The following GRM5 variants were observed in gnomAD, a reference collection of about 807,000 sequenced individuals.
GRM5 encodes the protein glutamate metabotropic receptor 5, also known as metabotropic glutamate receptor 5.
Under a neutral mutation model 83.1 loss-of-function variants are expected in GRM5, and 19 were observed. The observed-to-expected ratio is 0.23, with a 90% CI of 0.16 to 0.34. The LOEUF (loss-of-function observed/expected upper bound fraction) is 0.34. Ranked by LOEUF, GRM5 falls within the 10% of genes least tolerant of loss-of-function variation. The pLI, the probability that GRM5 is intolerant of heterozygous loss-of-function variation, is 1.00. For synonymous variants in GRM5, 675 were observed against 633.6 expected, an observed-to-expected ratio of 1.07 and a Z score of -0.98; for missense variants, 1,160 against 1,588.3, an observed-to-expected ratio of 0.73 and a Z score of 4.58.
chr11:88,721,164 T>C (rs1941529299), intron 3 of GRM5, among the ~76,000 whole-genome samples: 1 of 152,050 alleles, frequency 6.6e-6, no homozygotes, highest in African/African-American at 2.4e-5. Context: ...TGTAAAAACA[T>C]TTAGCACCAC....
At chr11:88,848,092 T>C (rs181105262) in intron 3 of GRM5, among the ~76,000 whole-genome samples, 11 of 152,330 alleles carry the variant, frequency 7.2e-5, no homozygotes, top group Admixed American at 7.2e-4. Context: ...CTAGATTTTT[T>C]TTCTTTTCTG....
At chr11:88,629,238 A>G (rs939877768) in intron 4 of GRM5, among the ~76,000 whole-genome samples, 3 of 152,168 alleles carry the variant, frequency 2.0e-5, no homozygotes, top group Admixed American at 6.5e-5. Flanking sequence ...AATTCCTTCA[A>G]ATAACCAGAC....
intron 8 of GRM5, among the ~76,000 whole-genome samples, chr11:88,561,223 G>A (rs1942746830): frequency 6.6e-6 from 1 of 152,202 alleles, no homozygotes; most frequent in African/African-American, 2.4e-5. Context: ...GCCAATGAAT[G>A]TGGGGAGACC....
chr11:88,812,378 G>A (rs994630722), intron 3 of GRM5, among the ~76,000 whole-genome samples: 1 of 152,122 alleles, frequency 6.6e-6, no homozygotes, highest in South Asian at 2.1e-4. Context: ...ATTATAGAAT[G>A]TTCCAACTGG....
intron 3 of GRM5, among the ~76,000 whole-genome samples, chr11:88,798,159 T>C (rs1943318367): frequency 6.6e-6 from 1 of 152,196 alleles, no homozygotes; most frequent in Non-Finnish European, 1.5e-5. Context: ...TTTCTGAGAC[T>C]ACATGTTCTC....
intron 4 of GRM5, among the ~76,000 whole-genome samples, chr11:88,643,279 A>ACAC (rs72510804): frequency 6.6e-6 from 1 of 151,000 alleles, no homozygotes; most frequent in Non-Finnish European, 1.5e-5. Flanking sequence ...ATGCTTTACA[A>ACAC]CTAGATCTGG....
At chr11:88,619,699 T>G (rs1296234326) in intron 4 of GRM5, among the ~76,000 whole-genome samples, 1 of 152,170 alleles carries the variant, frequency 6.6e-6, no homozygotes. Flanking sequence ...AAGCAGCAGT[T>G]TATTTTTAAA....
intron 4 of GRM5, among the ~76,000 whole-genome samples, chr11:88,648,127 A>C (rs188640347): frequency 1.4e-4 from 21 of 152,222 alleles, no homozygotes; most frequent in South Asian, 4.1e-4. Context: ...CTAGAAATAC[A>C]ATTTGACCCA....
intron 3 of GRM5, among the ~76,000 whole-genome samples, chr11:88,761,334 A>C (rs980869225): frequency 6.6e-6 from 1 of 152,150 alleles, no homozygotes; most frequent in Non-Finnish European, 1.5e-5. Flanking sequence ...CCTTAAGCTG[A>C]TAAACAACTT....
intron 1 of GRM5, among the ~76,000 whole-genome samples, chr11:89,053,279 A>G (rs1054658689): frequency 1.3e-5 from 2 of 152,174 alleles, no homozygotes; most frequent in Admixed American, 1.3e-4. Context: ...CAGATTATGA[A>G]GCCTAATCTG....
At chr11:88,676,480 T>A (rs1940333264) in intron 3 of GRM5, among the ~76,000 whole-genome samples, 2 of 152,070 alleles carry the variant, frequency 1.3e-5, no homozygotes. Context: ...TATATTCCAG[T>A]GCTTGGCAAA....
intron 4 of GRM5, among the ~76,000 whole-genome samples, chr11:88,648,893 G>A (rs547228591): frequency 1.9e-4 from 29 of 150,090 alleles, no homozygotes; most frequent in African/African-American, 7.2e-4. Flanking sequence ...TAGGAGTGGA[G>A]AGAGAAATGC....
At chr11:88,590,537 C>T in intron 7 of GRM5, 64 bp downstream of exon 7, 1 of 1,344,796 alleles carries the variant, frequency 7.4e-7, no homozygotes, top group East Asian at 2.3e-5. Context: ...GGATGTGACC[C>T]CCCTCTCCCA....
At chr11:88,828,463 G>A (rs1056611110) in intron 3 of GRM5, among the ~76,000 whole-genome samples, 2 of 152,026 alleles carry the variant, frequency 1.3e-5, no homozygotes, top group African/African-American at 4.8e-5. Context: ...TGGAACTGGA[G>A]ATATGAGGAC....
chr11:88,668,437 G>A (rs1280637470), intron 3 of GRM5, among the ~76,000 whole-genome samples: 1 of 150,674 alleles, frequency 6.6e-6, no homozygotes, highest in Non-Finnish European at 1.5e-5. Flanking sequence ...AAAAAGCAAA[G>A]AGGAAAACTT....
At chr11:88,618,917 G>A (rs1938560020) in intron 4 of GRM5, among the ~76,000 whole-genome samples, 2 of 152,146 alleles carry the variant, frequency 1.3e-5, no homozygotes, top group Non-Finnish European at 2.9e-5. Flanking sequence ...GACTTGCCAG[G>A]TGCTCTCTGG....
Position 88,838,868 on chromosome 11 carries a change from TACACAC to T in GRM5, c.911+11032_911+11037del, listed in dbSNP as rs59388840. On this transcript the variant is annotated intron_variant, in intron 3 of 9. Transcript: ENST00000305447. ...CAACCCACTGCCACACCCCTTATGC[TACACAC>T]ACACACACACACACACACACACACA... is the stretch of plus-strand genomic sequence containing the variant. Among the ~76,000 whole-genome samples the T allele has an allele frequency of 8.1e-3, 1,166 of 144,774 alleles. 7 individuals carry two copies. Among genetic ancestry groups the T allele is most frequent in the East Asian group, 0.01 (51 of 4,908 alleles). 95.0% of individuals were successfully genotyped at this position (144,774 alleles called of 152,430 possible).
At chr11:88,897,988 T>G (rs1185521320) in intron 2 of GRM5, among the ~76,000 whole-genome samples, 1 of 151,984 alleles carries the variant, frequency 6.6e-6, no homozygotes, top group African/African-American at 2.4e-5. Flanking sequence ...ACAGGTGCCT[T>G]AGAACAACAG....
intron 2 of GRM5, among the ~76,000 whole-genome samples, chr11:88,865,389 C>T (rs1944644713): frequency 6.6e-6 from 1 of 152,238 alleles, no homozygotes; most frequent in South Asian, 2.1e-4. Context: ...CCTTTCCTTA[C>T]ACCTTTTACA....
Sources: gnomAD v4.1 joint callset for allele counts (sites outside exome capture counted in the v4.1 genomes callset) on GRCh38, gnomAD v4.1.1 for gene constraint, MANE v1.5 for transcripts, NCBI Gene and HGNC (gene_info 2026-07-23, HGNC 2026-07-21) for gene names.